Variants in DTWD1 observed in about 807,000 individuals in gnomAD.
DTWD1 encodes tRNA-uridine aminocarboxypropyltransferase 1.
A neutral mutation model predicts 30.2 loss-of-function variants in DTWD1; 27 were observed. That is an observed-to-expected ratio of 0.90 (90% confidence interval 0.66 to 1.23). DTWD1 has a LOEUF of 1.23. DTWD1 is among the 50% of genes most tolerant of loss of function. The pLI is 0.00. For synonymous variants in DTWD1, 99 were observed against 113.1 expected, an observed-to-expected ratio of 0.88 and a Z score of 0.79; for missense variants, 342 against 348.8, an observed-to-expected ratio of 0.98 and a Z score of 0.15.
intron 4 of DTWD1, 25 bp from the exon 5 acceptor site, chr15:49,643,306 C>CTTTCT (rs1555592691): frequency 6.7e-6 from 8 of 1,201,868 alleles, no homozygotes; most frequent in African/African-American, 1.9e-5. Flanking sequence ...TTCTTTCTTT[C>CTTTCT]TTTTTTTTTT....
intron 3 of DTWD1, 107 bp from the exon 4 acceptor site, chr15:49,634,429 A>G (rs943391839): frequency 7.8e-7 from 1 of 1,286,570 alleles, no homozygotes; most frequent in Non-Finnish European, 1.0e-6. Flanking sequence ...CCTAATGCTT[A>G]TTTCTCAGAT....
At chr15:49,631,082 A>G (rs928426646) in intron 2 of DTWD1, 1 of 360,678 alleles carries the variant, frequency 2.8e-6, no homozygotes, top group Non-Finnish European at 5.6e-6. Flanking sequence ...TTATTTCATT[A>G]TATATTATAA....
intron 1 of DTWD1, among the ~76,000 whole-genome samples, chr15:49,622,487 G>A (rs1488934801): frequency 6.6e-6 from 1 of 152,086 alleles, no homozygotes; most frequent in Non-Finnish European, 1.5e-5. Flanking sequence ...AAAAATTAAT[G>A]TATTTTTAGC....
rs1456444435 is a variant in DTWD1, at chr15:49,651,392, G to C, written c.*7814G>C. ...TAAAGCAAACTAAACACATTGCCTAGTTGACGTCATCCTTCCTGCTTCAGT... is the reference window on the plus strand; with the variant it reads ...TAAAGCAAACTAAACACATTGCCTACTTGACGTCATCCTTCCTGCTTCAGT... On this transcript the variant is annotated 3_prime_UTR_variant, in exon 5 of 5. Coordinates refer to ENST00000403028, the MANE Select transcript of DTWD1 (RefSeq NM_001144955.2). The C allele has an allele frequency of 6.6e-6, 1 of 152,162 alleles. No individual in the cohort carries two copies. Among genetic ancestry groups the C allele is most frequent in the East Asian group, 1.9e-4 (1 of 5,170 alleles). The allele number at this position is 152,162 out of a possible 1,614,324, so 9.4% of individuals were successfully genotyped here.
chr15:49,642,510 A>G lies in DTWD1; in HGVS notation c.668-821A>G, dbSNP rs145507672. Among the ~76,000 whole-genome samples, 3 of 152,272 alleles carry G rather than the reference A, an allele frequency of 2.0e-5. No homozygotes were observed. In the East Asian group the frequency reaches 5.8e-4, roughly 29 times the overall value. On this transcript the variant is annotated intron_variant, in intron 4 of 4. Transcript: ENST00000403028. ...ACAAAAGAAACCACAGCTTTAGGATACTCTGTTCATGAATATAGCCTGAAA... is the reference window on the plus strand; with the variant it reads ...ACAAAAGAAACCACAGCTTTAGGATGCTCTGTTCATGAATATAGCCTGAAA...
rs2079145066 is a variant in DTWD1, at chr15:49,650,185, TAGA to T, written c.*6611_*6613del. On this transcript the variant is annotated 3_prime_UTR_variant, in exon 5 of 5. Coordinates refer to ENST00000403028, the MANE Select transcript of DTWD1 (RefSeq NM_001144955.2). ...ACAGTGTGTGGGAGGGAAAAAATGA[TAGA>T]AGATGACATCATAGGGAGTAATGGT... 1 of 152,076 alleles carries T rather than the reference TAGA, an allele frequency of 6.6e-6. No individual in the cohort carries two copies. The highest frequency in any genetic ancestry group is 6.6e-5 in the Admixed American group (1 of 15,258). The allele number at this position is 152,076 out of a possible 1,614,324, so 9.4% of individuals were successfully genotyped here. A position where few individuals can be genotyped will look rare whatever the true frequency, so the allele number is the denominator to read the frequency against.
Position 49,644,325 on chromosome 15 carries a change from G to C in DTWD1, c.*747G>C, listed in dbSNP as rs1339856786. On this transcript the variant is annotated 3_prime_UTR_variant, in exon 5 of 5. Coordinates refer to ENST00000403028, the MANE Select transcript of DTWD1 (RefSeq NM_001144955.2). Reference sequence around the variant, plus strand: ...TAATAATTGAAGCCTACCTGCTAGTGGCCATCTCTGCTGCCAGGTGAAAAG... The same window carrying C: ...TAATAATTGAAGCCTACCTGCTAGTCGCCATCTCTGCTGCCAGGTGAAAAG... 1 of 152,144 alleles carries C rather than the reference G, an allele frequency of 6.6e-6. No homozygotes were observed. Among genetic ancestry groups the C allele is most frequent in the East Asian group, 1.9e-4 (1 of 5,188 alleles). 9.4% of individuals were successfully genotyped at this position (152,144 alleles called of 1,614,324 possible). A position where few individuals can be genotyped will look rare whatever the true frequency, so the allele number is the denominator to read the frequency against.
chr15:49,621,064 C>T lies in DTWD1; in HGVS notation c.-114C>T, dbSNP rs1361602296. 1 of 152,542 alleles carries T rather than the reference C, an allele frequency of 6.6e-6. No individual in the cohort carries two copies. The highest frequency in any genetic ancestry group is 1.5e-5 in the Non-Finnish European group (1 of 68,292). 9.4% of individuals were successfully genotyped at this position (152,542 alleles called of 1,614,324 possible). ...TGCGCGATCACGGCCCGGCGCGTGG[C>T]TCGGGCTCGGGCGGAGCTGGAGACG... On this transcript the variant is annotated 5_prime_UTR_variant, in exon 1 of 5. Transcript: ENST00000403028.
chr15:49,629,682 C>G (rs969801086), intron 2 of DTWD1: 1 of 152,102 alleles, frequency 6.6e-6, no homozygotes, highest in African/African-American at 2.4e-5. Context: ...AGTGTTCAGC[C>G]AGAAGTAGAC....
rs1218683998 is a variant in DTWD1 at position 49,654,659 on chromosome 15, T to C, written c.*11081T>C. The C allele has an allele frequency of 6.6e-6, 1 of 151,556 alleles. No individual in the cohort carries two copies. Among genetic ancestry groups the C allele is most frequent in the Non-Finnish European group, 1.5e-5 (1 of 67,928 alleles). 9.4% of individuals were successfully genotyped at this position (151,556 alleles called of 1,614,324 possible). A position where few individuals can be genotyped will look rare whatever the true frequency, so the allele number is the denominator to read the frequency against. ...ACAGAAATATCATAGATTGAGTGAC[T>C]TTTTTTCTTTAAAAAAATGAGATTG... On this transcript the variant is annotated 3_prime_UTR_variant, in exon 5 of 5. Transcript: ENST00000403028.
At position 49,625,098 on chromosome 15, in the gene DTWD1, AC is replaced by A; in HGVS notation, c.-55-14del. Reference sequence around the variant, plus strand: ...TGTTTTTATTTTTCCTTCTCTTGATACTTTTTTTTTACAGTGCACCTATGAT... The same window carrying A: ...TGTTTTTATTTTTCCTTCTCTTGATATTTTTTTTTACAGTGCACCTATGAT... On this transcript the variant is annotated splice_polypyrimidine_tract_variant and intron_variant, in intron 1 of 4. Transcript: ENST00000403028. 7.2e-7 allele frequency: 1 copy of A among 1,391,886 alleles called. No individual in the cohort carries two copies. The highest frequency in any genetic ancestry group is 9.8e-7 in the Non-Finnish European group (1 of 1,015,490). 86.2% of individuals were successfully genotyped at this position (1,391,886 alleles called of 1,614,324 possible). A position where few individuals can be genotyped will look rare whatever the true frequency, so the allele number is the denominator to read the frequency against.
intron 4 of DTWD1, among the ~76,000 whole-genome samples, chr15:49,640,104 T>A (rs1296470338): frequency 2.0e-5 from 3 of 152,142 alleles, no homozygotes; most frequent in Non-Finnish European, 2.9e-5. Context: ...ATTCCCCTTC[T>A]TCCCCTGACA....
chr15:49,623,056 A>T (rs2078789790), intron 1 of DTWD1, among the ~76,000 whole-genome samples: 1 of 152,212 alleles, frequency 6.6e-6, no homozygotes, highest in South Asian at 2.1e-4. Context: ...ACTCACCAGT[A>T]GTTTTCTGTT....
In DTWD1 at chr15:49,625,217, C is replaced by T; in HGVS notation, c.50C>T (p.Ser17Leu). Residue 17 changes from serine (S) to leucine (L), a missense_variant, in exon 2 of 5, where the codon TCA becomes TTA. By Grantham distance (145) the Ser-to-Leu change is moderately radical. Transcript: ENST00000403028. ...IFLKRSEENS[S>L]KFVETKQSQT... ...CTCAAACGAAGTGAAGAAAATAGTTCAAAATTTGTGGAAACAAAACAGTCA... is the reference window on the plus strand; with the variant it reads ...CTCAAACGAAGTGAAGAAAATAGTTTAAAATTTGTGGAAACAAAACAGTCA... 1 of 1,613,328 alleles carries T rather than the reference C, an allele frequency of 6.2e-7. No homozygotes were observed. The highest frequency in any genetic ancestry group is 8.5e-7 in the Non-Finnish European group (1 of 1,179,606).
chr15:49,639,812 T>A (rs1043872232), intron 4 of DTWD1, among the ~76,000 whole-genome samples: 5 of 152,188 alleles, frequency 3.3e-5, no homozygotes. Context: ...ATTTTTAAGC[T>A]TGTCATTGAC....
In DTWD1 at chr15:49,648,698, A is replaced by G. The variant is rs549321080; in HGVS notation, c.*5120A>G. 2 of 152,278 alleles carry G rather than the reference A, an allele frequency of 1.3e-5. No individual in the cohort carries two copies. Among genetic ancestry groups the G allele is most frequent in the South Asian group, 4.1e-4 (2 of 4,820 alleles). 9.4% of individuals were successfully genotyped at this position (152,278 alleles called of 1,614,324 possible). A position where few individuals can be genotyped will look rare whatever the true frequency, so the allele number is the denominator to read the frequency against. On this transcript the variant is annotated 3_prime_UTR_variant, in exon 5 of 5. Transcript: ENST00000403028. ...TATAGTGAATCATATTTATCTCATT[A>G]TATATTACAGAATATTTTGTTTGAT...
chr15:49,633,049 C>CTATATCTATATCTATCTATCTATATA (rs774517463), intron 3 of DTWD1, among the ~76,000 whole-genome samples: 10 of 117,316 alleles, frequency 8.5e-5, no homozygotes, highest in African/African-American at 2.7e-4. Context: ...ATATCTATAT[C>CTATATCTATATCTATCTATCTATATA]TATATATATA....
At chr15:49,625,537 T>G in intron 2 of DTWD1, 106 bp downstream of exon 2, 1 of 1,189,422 alleles carries the variant, frequency 8.4e-7, no homozygotes, top group African/African-American at 1.6e-5. Flanking sequence ...GTTATTATTG[T>G]TAGAAACAAG....
At position 49,634,715 on chromosome 15, in the gene DTWD1, C is replaced by T; in HGVS notation, c.588C>T (p.Gly196=). 4 of 1,610,364 alleles carry T rather than the reference C, an allele frequency of 2.5e-6. No individual in the cohort carries two copies. Among genetic ancestry groups the T allele is most frequent in the Non-Finnish European group, 3.4e-6 (4 of 1,178,334 alleles). Residue 196 remains glycine (G), a synonymous_variant, in exon 4 of 5, where the codon GGC becomes GGT. Transcript: ENST00000403028. ...FCDLNDSKCK[G]TTLKKIIFID... ...ATTTGAATGACAGCAAGTGCAAAGGCACAACACTGAAAAAAATTATATTTA... is the reference window on the plus strand; with the variant it reads ...ATTTGAATGACAGCAAGTGCAAAGGTACAACACTGAAAAAAATTATATTTA...
Sources: allele counts gnomAD v4.1 joint callset (sites outside exome capture counted in the v4.1 genomes callset), GRCh38; gene constraint gnomAD v4.1.1; transcripts MANE v1.5; gene names NCBI Gene and HGNC (gene_info 2026-07-23, HGNC 2026-07-21).